OPN5: variants seen among roughly 807,000 people sequenced by gnomAD.
OPN5 encodes opsin-5.
A neutral mutation model predicts 41.7 loss-of-function variants in OPN5; 18 were observed. That is an observed-to-expected ratio of 0.43 (90% CI 0.30 to 0.64). OPN5 has a LOEUF of 0.64. Among genes scored for constraint, OPN5 ranks in the 30% least tolerant of loss-of-function variants. The probability of loss-of-function intolerance (pLI) is 0.13; values close to 1 mark genes in which losing one functional copy is unlikely to be tolerated. For synonymous variants in OPN5, 178 were observed against 164.3 expected (o/e 1.08, Z -0.64); for missense variants, 318 against 434.5 (o/e 0.73, Z 2.38).
intron 5 of OPN5, among the ~76,000 whole-genome samples, chr6:47,809,298 C>A (rs868820343): frequency 6.6e-6 from 1 of 152,142 alleles, no homozygotes; most frequent in South Asian, 2.1e-4. Context: ...CTTAATACTT[C>A]TTCCCTTGAA....
chr6:47,805,545 A>G (rs1773926223), intron 4 of OPN5, among the ~76,000 whole-genome samples: 1 of 151,982 alleles, frequency 6.6e-6, no homozygotes, highest in Non-Finnish European at 1.5e-5. Flanking sequence ...TTTCATTCTT[A>G]TACACACCAC....
chr6:47,814,895 T>C (rs574736879), intron 6 of OPN5, among the ~76,000 whole-genome samples: 4 of 152,134 alleles, frequency 2.6e-5, no homozygotes, highest in Non-Finnish European at 5.9e-5. Context: ...AAAGGACACT[T>C]GGAAAGTTAA....
intron 2 of OPN5, among the ~76,000 whole-genome samples, chr6:47,789,877 G>A (rs562405682): frequency 6.8e-6 from 1 of 147,664 alleles, no homozygotes; most frequent in East Asian, 2.0e-4. Flanking sequence ...TCAGTTAGAG[G>A]TTTGAAGAGC....
chr6:47,810,547 T>G (rs1774151839), intron 5 of OPN5, among the ~76,000 whole-genome samples: 1 of 147,348 alleles, frequency 6.8e-6, no homozygotes, highest in South Asian at 2.1e-4. Context: ...ATATCCTTAT[T>G]CTTTTCTTTT....
intron 1 of OPN5, among the ~76,000 whole-genome samples, chr6:47,786,104 GC>G (rs1369768652): frequency 6.6e-6 from 1 of 152,224 alleles, no homozygotes; most frequent in Admixed American, 6.5e-5. Context: ...TCTTTGGTTG[GC>G]TTCATCTTCA....
intron 6 of OPN5, among the ~76,000 whole-genome samples, chr6:47,815,008 A>G (rs1161661189): frequency 6.6e-6 from 1 of 152,170 alleles, no homozygotes; most frequent in Non-Finnish European, 1.5e-5. Flanking sequence ...TTTCATTTAA[A>G]CATGGCCTAT....
intron 6 of OPN5, among the ~76,000 whole-genome samples, chr6:47,820,378 G>C (rs1762583217): frequency 6.6e-6 from 1 of 152,192 alleles, no homozygotes; most frequent in East Asian, 1.9e-4. Context: ...TTCTCAGGCT[G>C]TCTCTAAAGC....
intron 1 of OPN5, 76 bp downstream of exon 1, chr6:47,782,272 G>C: frequency 2.8e-6 from 4 of 1,437,006 alleles, no homozygotes; most frequent in Non-Finnish European, 3.9e-6. Flanking sequence ...TTTGTGAAAG[G>C]ATTCTGATAC....
Position 47,791,743 on chromosome 6 carries a change from G to A in OPN5, c.251-59G>A, listed in dbSNP as rs1359838702. On this transcript the variant is annotated intron_variant, in intron 2 of 6. Transcript: ENST00000371211. ...AGGGGAGGAGGTTCAGGTGAGTTGA[G>A]GTAGGTGGGGAAATAGTAACCAGAG... 4.0e-6 allele frequency: 6 copies of A among 1,494,194 alleles called. No individual in the cohort carries two copies. The African/African-American group carries it at 8.3e-5, about 21-fold the overall frequency. The allele number at this position is 1,494,194 out of a possible 1,614,324, so 92.6% of individuals were successfully genotyped here. A position where few individuals can be genotyped will look rare whatever the true frequency, so the allele number is the denominator to read the frequency against.
At chr6:47,799,100 C>T (rs1773672889) in intron 4 of OPN5, among the ~76,000 whole-genome samples, 1 of 151,548 alleles carries the variant, frequency 6.6e-6, no homozygotes, top group African/African-American at 2.4e-5. Context: ...CCTTTCTCTA[C>T]TTTGTAGCTT....
chr6:47,792,247 C>A (rs1021122109), intron 3 of OPN5, among the ~76,000 whole-genome samples: 4 of 152,138 alleles, frequency 2.6e-5, no homozygotes, highest in African/African-American at 9.7e-5. Flanking sequence ...GTGTAAGCTT[C>A]CATCATGTTT....
chr6:47,814,791 T>G (rs1169274012), intron 6 of OPN5, among the ~76,000 whole-genome samples: 4 of 152,144 alleles, frequency 2.6e-5, no homozygotes, highest in African/African-American at 9.7e-5. Context: ...ATTTTATGTC[T>G]GGGAGGGTTA....
intron 4 of OPN5, among the ~76,000 whole-genome samples, chr6:47,805,436 G>A (rs1365708514): frequency 2.0e-5 from 3 of 152,230 alleles, no homozygotes; most frequent in African/African-American, 7.2e-5. Context: ...GTGTGTGTGT[G>A]TGTGTGTGTG....
chr6:47,800,189 A>ATAAAGAGTT (rs1460257252), intron 4 of OPN5, among the ~76,000 whole-genome samples: 2 of 152,190 alleles, frequency 1.3e-5, no homozygotes, highest in African/African-American at 4.8e-5. Context: ...TGGCATTACA[A>ATAAAGAGTT]TAAAGAGTTT....
In OPN5 at chr6:47,787,284, T is replaced by C. The variant is rs999436146; in HGVS notation, c.250+650T>C. On this transcript the variant is annotated intron_variant, in intron 2 of 6. Coordinates refer to ENST00000371211, the Ensembl canonical transcript of OPN5. ...GATATTTAAAATGAGAATCTACAGG[T>C]ATGTTAATGTGTGGCCAAAATTGAG... is the stretch of plus-strand genomic sequence containing the variant. The C allele has an allele frequency of 1.9e-5, 9 of 470,958 alleles. No homozygotes were observed. In the Admixed American group the frequency reaches 1.9e-4, roughly 10 times the overall value. The allele number at this position is 470,958 out of a possible 1,614,324, so 29.2% of individuals were successfully genotyped here.
intron 3 of OPN5, among the ~76,000 whole-genome samples, chr6:47,792,416 A>T (rs1183903626): frequency 6.6e-6 from 1 of 152,210 alleles, no homozygotes; most frequent in Non-Finnish European, 1.5e-5. Flanking sequence ...AATTCCAAAA[A>T]GTTCACCTCC....
chr6:47,808,186 T>C, exon 5 of OPN5: 1 of 1,613,552 alleles, frequency 6.2e-7, no homozygotes, highest in South Asian at 1.1e-5. Context: ...GATTCCTGAT[T>C]GCCTGGATTC....
In OPN5 at chr6:47,786,736, A is replaced by G. The variant is rs907656699; in HGVS notation, c.250+102A>G. 3.1e-5 allele frequency: 31 copies of G among 988,800 alleles called. No homozygotes were observed. The South Asian group carries it at 5.2e-4, about 17-fold the overall frequency. The allele number at this position is 988,800 out of a possible 1,614,324, so 61.3% of individuals were successfully genotyped here. A position where few individuals can be genotyped will look rare whatever the true frequency, so the allele number is the denominator to read the frequency against. ...ACCCCCTGACATCTCTTCCCTTCAC[A>G]TCTCCTTCCACTCTTCGCTTCACAA... On this transcript the variant is annotated intron_variant, in intron 2 of 6. Coordinates refer to ENST00000371211, the Ensembl canonical transcript of OPN5.
At chr6:47,811,515 A>G (rs987387969) in intron 5 of OPN5, among the ~76,000 whole-genome samples, 159 bp from the exon 6 acceptor site, 1 of 152,174 alleles carries the variant, frequency 6.6e-6, no homozygotes, top group Non-Finnish European at 1.5e-5. Context: ...TGAATATTTC[A>G]AATTGAATTA....
Sources: gnomAD v4.1 joint callset for allele counts (sites outside exome capture counted in the v4.1 genomes callset) on GRCh38, gnomAD v4.1.1 for gene constraint, MANE v1.5 for transcripts, NCBI Gene and HGNC (gene_info 2026-07-23, HGNC 2026-07-21) for gene names.